Variants in AKAIN1 observed in about 807,000 individuals in gnomAD.
AKAIN1 encodes the protein A-kinase anchor inhibitor 1, also known as A-kinase anchor protein inhibitor 1.
In AKAIN1, 3 loss-of-function variants were observed where a neutral mutation model predicts 3.7. The ratio of observed to expected loss-of-function variants is 0.82; its 90% CI spans 0.37 to 2.12. The LOEUF (loss-of-function observed/expected upper bound fraction) is 2.12, where lower values mean the gene tolerates loss of function less well. Among genes scored for constraint, AKAIN1 ranks in the 30% most tolerant of loss-of-function variants. The pLI is 0.06. For synonymous variants in AKAIN1, 31 were observed against 30.8 expected (o/e 1.01, Z -0.02); for missense variants, 82 against 82.7 (o/e 0.99, Z 0.03).
In AKAIN1 at chr18:5,176,353, T is replaced by C. The variant is rs564733793; in HGVS notation, c.16+20685A>G. 8.9e-4 allele frequency among the ~76,000 whole-genome samples: 135 copies of C among 152,138 alleles called. 1 individual carries two copies. The highest frequency in any genetic ancestry group is 3.1e-3 in the African/African-American group (130 of 41,510). On this transcript the variant is annotated intron_variant, in intron 1 of 1. Coordinates refer to ENST00000434239, the MANE Select transcript of AKAIN1 (RefSeq NM_001145194.2). ...TAATCAGGAAGCTGAGGCAGGAGAATCGCTTGAGCCTGGGAGGTGGAGATT... is the reference window on the plus strand; with the variant it reads ...TAATCAGGAAGCTGAGGCAGGAGAACCGCTTGAGCCTGGGAGGTGGAGATT...
At chr18:5,192,334 C>G (rs1164531294) in intron 1 of AKAIN1, among the ~76,000 whole-genome samples, 1 of 152,190 alleles carries the variant, frequency 6.6e-6, no homozygotes, top group African/African-American at 2.4e-5. Flanking sequence ...CCTCCCAGCT[C>G]ATTCTCCCTA....
intron 1 of AKAIN1, among the ~76,000 whole-genome samples, chr18:5,171,441 C>A (rs756630463): frequency 9.2e-5 from 14 of 152,066 alleles, no homozygotes; most frequent in Non-Finnish European, 1.8e-4. Flanking sequence ...AACTTCCCAT[C>A]TGACAATGGA....
intron 1 of AKAIN1, among the ~76,000 whole-genome samples, chr18:5,175,306 G>A (rs1236568586): frequency 2.0e-5 from 3 of 152,078 alleles, no homozygotes; most frequent in Non-Finnish European, 4.4e-5. Flanking sequence ...GTTAGTAGAA[G>A]GTAAGCACAG....
intron 1 of AKAIN1, among the ~76,000 whole-genome samples, chr18:5,146,468 A>T (rs1439878874): frequency 6.6e-6 from 1 of 152,204 alleles, no homozygotes; most frequent in Non-Finnish European, 1.5e-5. Context: ...TTCAGGTTTT[A>T]TGTTACTTGC....
chr18:5,148,976 A>T (rs913569800), intron 1 of AKAIN1, among the ~76,000 whole-genome samples: 1 of 152,242 alleles, frequency 6.6e-6, no homozygotes, highest in Non-Finnish European at 1.5e-5. Flanking sequence ...GGCTACATTG[A>T]AAAGGTAGAA....
intron 1 of AKAIN1, among the ~76,000 whole-genome samples, chr18:5,183,373 G>A (rs750100499): frequency 8.6e-5 from 13 of 151,982 alleles, no homozygotes; most frequent in Non-Finnish European, 1.3e-4. Context: ...GATACTGTGA[G>A]TGATTTTTAT....
At chr18:5,149,563 AC>A (rs2071068781) in intron 1 of AKAIN1, among the ~76,000 whole-genome samples, 1 of 152,324 alleles carries the variant, frequency 6.6e-6, no homozygotes, top group East Asian at 1.9e-4. Context: ...ATCTGCTGCT[AC>A]CAACCAAGCA....
intron 1 of AKAIN1, among the ~76,000 whole-genome samples, chr18:5,146,922 G>C (rs1330825501): frequency 6.6e-6 from 1 of 152,224 alleles, no homozygotes; most frequent in Non-Finnish European, 1.5e-5. Flanking sequence ...TAATTAGAAG[G>C]CAAGGCAGTC....
chr18:5,145,476 G>C lies in AKAIN1; in HGVS notation c.*86C>G. The C allele has an allele frequency of 8.8e-7, 1 of 1,133,880 alleles. No individual in the cohort carries two copies. The highest frequency in any genetic ancestry group is 1.3e-6 in the Non-Finnish European group (1 of 793,474). The allele number at this position is 1,133,880 out of a possible 1,614,324, so 70.2% of individuals were successfully genotyped here. A position where few individuals can be genotyped will look rare whatever the true frequency, so the allele number is the denominator to read the frequency against. The stretch of plus-strand genomic sequence containing the variant: ...CTAGGTGCCGGTGACACTTCGGTTT[G>C]CTTTACTGGCAACATTTTGGAGATG... On this transcript the variant is annotated 3_prime_UTR_variant, in exon 2 of 2. Transcript: ENST00000434239.
chr18:5,149,297 A>G (rs918114712), intron 1 of AKAIN1, among the ~76,000 whole-genome samples: 2 of 152,176 alleles, frequency 1.3e-5, no homozygotes, highest in African/African-American at 4.8e-5. Flanking sequence ...CATGCCAAAT[A>G]AAAAGCTGCA....
rs1371985308 is a variant in AKAIN1, at chr18:5,153,383, G to A, written c.17-7628C>T. 6.6e-5 allele frequency among the ~76,000 whole-genome samples: 10 copies of A among 152,166 alleles called. No individual in the cohort carries two copies. In the East Asian group the frequency reaches 1.9e-3, roughly 29 times the overall value. On this transcript the variant is annotated intron_variant, in intron 1 of 1. Coordinates refer to ENST00000434239, the MANE Select transcript of AKAIN1 (RefSeq NM_001145194.2). ...AAGATGGATCTAATTTACCAGCTAT[G>A]AATACCAGTTACAAAGCTATGTCAA...
At position 5,192,432 on chromosome 18, in the gene AKAIN1, TC is replaced by T. The variant is rs1196928480; in HGVS notation, c.16+4605del. On this transcript the variant is annotated intron_variant, in intron 1 of 1. Transcript: ENST00000434239. ...TTCTTTCTTTCTTTCTTTCTTTCTT[TC>T]TTTCTTTCTTTCTTTTTCTTTTCTT... Among the ~76,000 whole-genome samples the T allele has an allele frequency of 2.4e-3, 278 of 117,576 alleles. 3 individuals are homozygous for T. Among genetic ancestry groups the T allele is most frequent in the Non-Finnish European group, 3.8e-3 (202 of 53,448 alleles). 77.1% of individuals were successfully genotyped at this position (117,576 alleles called of 152,430 possible).
chr18:5,183,168 T>C (rs2071268575), intron 1 of AKAIN1, among the ~76,000 whole-genome samples: 1 of 152,056 alleles, frequency 6.6e-6, no homozygotes, highest in African/African-American at 2.4e-5. Context: ...CCTTTTGCTC[T>C]ATGTCTTTTT....
intron 1 of AKAIN1, among the ~76,000 whole-genome samples, chr18:5,149,483 A>G (rs4798299): frequency 0.31 from 47,128 of 151,948 alleles, 8,200 homozygotes; most frequent in East Asian, 0.47. Flanking sequence ...CAGATATTGG[A>G]AAAATCCAGT....
intron 1 of AKAIN1, among the ~76,000 whole-genome samples, chr18:5,177,935 G>A (rs1256267943): frequency 5.9e-5 from 9 of 152,052 alleles, no homozygotes; most frequent in Non-Finnish European, 1.0e-4. Flanking sequence ...ACTGCCTGAG[G>A]AATTCCTGAG....
intron 1 of AKAIN1, among the ~76,000 whole-genome samples, chr18:5,151,450 A>G (rs897947927): frequency 3.3e-5 from 5 of 152,206 alleles, no homozygotes; most frequent in African/African-American, 1.2e-4. Flanking sequence ...GTTCCCAGCA[A>G]TGAAAAGCCA....
intron 1 of AKAIN1, among the ~76,000 whole-genome samples, chr18:5,175,943 T>C (rs2071223850): frequency 6.6e-6 from 1 of 152,148 alleles, no homozygotes; most frequent in African/African-American, 2.4e-5. Flanking sequence ...GTCCTGCTTT[T>C]TGAACAACAG....
intron 1 of AKAIN1, among the ~76,000 whole-genome samples, chr18:5,181,402 C>T (rs1229344382): frequency 6.6e-6 from 1 of 152,156 alleles, no homozygotes; most frequent in Non-Finnish European, 1.5e-5. Context: ...GAATATGGAA[C>T]AGCATTTTAG....
chr18:5,151,103 G>C (rs994017949), intron 1 of AKAIN1, among the ~76,000 whole-genome samples: 41 of 152,160 alleles, frequency 2.7e-4, no homozygotes, highest in African/African-American at 7.9e-4. Context: ...GTCCCTCCCA[G>C]GGCAAGACAG....
Sources: gnomAD v4.1 joint callset for allele counts (sites outside exome capture counted in the v4.1 genomes callset) on GRCh38, gnomAD v4.1.1 for gene constraint, MANE v1.5 for transcripts, NCBI Gene and HGNC (gene_info 2026-07-23, HGNC 2026-07-21) for gene names.